GOLGA5: variants seen among roughly 807,000 people sequenced by gnomAD.
The protein encoded by GOLGA5 is golgin subfamily A member 5.
In GOLGA5, 50 loss-of-function variants were observed where a neutral mutation model predicts 93.5. The observed-to-expected ratio is 0.53, with a 90% confidence interval of 0.43 to 0.68. The LOEUF is 0.68. Ranked by LOEUF, GOLGA5 falls within the 30% of genes least tolerant of loss-of-function variation. The pLI is 0.00. For synonymous variants in GOLGA5, 312 were observed against 304.5 expected (o/e 1.02, Z -0.26); for missense variants, 760 against 856.4 (o/e 0.89, Z 1.40).
intron 10 of GOLGA5, among the ~76,000 whole-genome samples, chr14:92,835,123 G>A (rs1422560987): frequency 1.3e-5 from 2 of 152,100 alleles, no homozygotes; most frequent in Admixed American, 6.6e-5. Flanking sequence ...GCAGGCTTTG[G>A]GGTGCCCGTT....
rs1185271780 is a variant in GOLGA5 at position 92,821,126 on chromosome 14, A to G, written c.1620+1290A>G. Among the ~76,000 whole-genome samples, 3 of 152,300 alleles carry G rather than the reference A, an allele frequency of 2.0e-5. No homozygotes were observed. The East Asian group carries it at 5.8e-4, about 29-fold the overall frequency. On this transcript the variant is annotated intron_variant, in intron 8 of 12. Transcript: ENST00000163416. ...GAATGCTTTCTATTACCCTGTCTGTATTTTGTTATATCTCCTAGTATAGAA... is the reference window on the plus strand; with the variant it reads ...GAATGCTTTCTATTACCCTGTCTGTGTTTTGTTATATCTCCTAGTATAGAA...
chr14:92,795,033 G>A (rs372959572), intron 1 of GOLGA5, among the ~76,000 whole-genome samples: 2 of 152,212 alleles, frequency 1.3e-5, no homozygotes, highest in African/African-American at 2.4e-5. Context: ...CAGTTGCATG[G>A]TATGTTTTAA....
intron 9 of GOLGA5, among the ~76,000 whole-genome samples, chr14:92,829,778 G>A (rs1885490797): frequency 6.6e-6 from 1 of 152,210 alleles, no homozygotes; most frequent in African/African-American, 2.4e-5. Context: ...TTTGAAAGAT[G>A]TTCTGATGTG....
At position 92,809,360 on chromosome 14, in the gene GOLGA5, G is replaced by A. The variant is rs772961779; in HGVS notation, c.833G>A (p.Arg278Gln). The A allele has an allele frequency of 1.1e-5, 18 of 1,613,514 alleles. No homozygotes were observed. The highest frequency in any genetic ancestry group is 1.7e-5 in the Admixed American group (1 of 60,024). Residue 278 changes from arginine to glutamine, a missense_variant, in exon 4 of 13, where the codon CGA (arginine) becomes CAA (glutamine). Transcript: ENST00000163416. The part of the protein sequence containing the change: ...KWNADHSKSD[R>Q]MTRGLRAQVD... ...AATGCTGACCATTCAAAGAGTGATCGAATGACTCGAGGACTCCGAGCCCAA... is the reference window on the plus strand; with the variant it reads ...AATGCTGACCATTCAAAGAGTGATCAAATGACTCGAGGACTCCGAGCCCAA...
intron 7 of GOLGA5, among the ~76,000 whole-genome samples, chr14:92,817,500 T>C (rs1248752709): frequency 6.6e-6 from 1 of 152,214 alleles, no homozygotes; most frequent in Non-Finnish European, 1.5e-5. Flanking sequence ...TTATAATTTA[T>C]AGTTTATGTA....
At chr14:92,806,204 T>C (rs1184742532) in intron 2 of GOLGA5, among the ~76,000 whole-genome samples, 3 of 152,222 alleles carry the variant, frequency 2.0e-5, no homozygotes, top group African/African-American at 7.2e-5. Flanking sequence ...TTGTACTGTC[T>C]GTTGTCATTC....
At chr14:92,827,970 A>G (rs1199521515) in intron 9 of GOLGA5, among the ~76,000 whole-genome samples, 1 of 152,356 alleles carries the variant, frequency 6.6e-6, no homozygotes, top group East Asian at 1.9e-4. Context: ...TGAAGCTAGC[A>G]GAGGTTTGGT....
Position 92,797,998 on chromosome 14 carries a change from CTT to C in GOLGA5, c.544+18_544+19del. On this transcript the variant is annotated intron_variant, in intron 2 of 12. Coordinates refer to ENST00000163416, the MANE Select transcript of GOLGA5 (RefSeq NM_005113.4). ...AAACCCACGGTAGTTAATCAGTCCT[CTT>C]ATTTCTTTTAGAGTTAAGCAAATTG... 1 of 1,512,092 alleles carries C rather than the reference CTT, an allele frequency of 6.6e-7. No individual in the cohort carries two copies. Among genetic ancestry groups the C allele is most frequent in the Non-Finnish European group, 8.9e-7 (1 of 1,120,830 alleles). The allele number at this position is 1,512,092 out of a possible 1,614,324, so 93.7% of individuals were successfully genotyped here. A position where few individuals can be genotyped will look rare whatever the true frequency, so the allele number is the denominator to read the frequency against.
intron 3 of GOLGA5, among the ~76,000 whole-genome samples, chr14:92,808,742 A>G (rs138617052): frequency 2.1e-4 from 31 of 148,688 alleles, no homozygotes; most frequent in Admixed American, 1.0e-3. Context: ...AGTTTGATTC[A>G]GTATTTTTAA....
At chr14:92,835,847 ACTT>A (rs1885629626) in intron 11 of GOLGA5, among the ~76,000 whole-genome samples, 183 bp downstream of exon 11, 1 of 152,200 alleles carries the variant, frequency 6.6e-6, no homozygotes, top group Non-Finnish European at 1.5e-5. Flanking sequence ...TCATGAAGTG[ACTT>A]CTTTCATGAT....
intron 2 of GOLGA5, among the ~76,000 whole-genome samples, chr14:92,800,731 A>G (rs184065814): frequency 6.6e-6 from 1 of 152,214 alleles, no homozygotes; most frequent in Non-Finnish European, 1.5e-5. Context: ...GTTCTTAGCC[A>G]ATAAAAGTTG....
chr14:92,798,347 A>T (rs1884784217), intron 2 of GOLGA5, among the ~76,000 whole-genome samples: 1 of 152,270 alleles, frequency 6.6e-6, no homozygotes, highest in Non-Finnish European at 1.5e-5. Flanking sequence ...TACTAGGATT[A>T]TAAAAATGAC....
At chr14:92,813,542 T>C (rs1035514877) in intron 6 of GOLGA5, among the ~76,000 whole-genome samples, 1 of 152,114 alleles carries the variant, frequency 6.6e-6, no homozygotes, top group African/African-American at 2.4e-5. Flanking sequence ...AGAGAGAACA[T>C]GGCATATTTA....
At chr14:92,825,068 AT>A (rs913181516) in intron 9 of GOLGA5, among the ~76,000 whole-genome samples, 20 of 152,184 alleles carry the variant, frequency 1.3e-4, no homozygotes, top group Non-Finnish European at 2.2e-4. Context: ...TGTACAGAAA[AT>A]AATGACACTC....
chr14:92,838,127 C>A (rs548458269), intron 12 of GOLGA5, among the ~76,000 whole-genome samples: 2 of 152,238 alleles, frequency 1.3e-5, no homozygotes, highest in South Asian at 2.1e-4. Flanking sequence ...TCTAAAAGAG[C>A]CTCAAGATTG....
intron 6 of GOLGA5, 34 bp downstream of exon 6, chr14:92,811,788 A>ATG (rs1226668574): frequency 6.8e-7 from 1 of 1,468,684 alleles, no homozygotes; most frequent in Admixed American, 1.7e-5. Flanking sequence ...GGATGTTAAG[A>ATG]TGTGCAAGTT....
At chr14:92,810,111 T>C in intron 4 of GOLGA5, 143 bp from the exon 5 acceptor site, 1 of 581,588 alleles carries the variant, frequency 1.7e-6, no homozygotes, top group Non-Finnish European at 3.0e-6. Flanking sequence ...TATGTTCCAT[T>C]AGAAAGGAAA....
intron 12 of GOLGA5, among the ~76,000 whole-genome samples, chr14:92,838,517 G>A (rs542131596): frequency 1.9e-4 from 29 of 152,186 alleles, no homozygotes; most frequent in African/African-American, 5.3e-4. Context: ...ACAGGCGCAC[G>A]CCACTGCACC....
In GOLGA5 at chr14:92,835,563, T is replaced by G. The variant is rs764874643; in HGVS notation, c.1950T>G (p.Thr650=). The G allele has an allele frequency of 6.2e-7, 1 of 1,605,068 alleles. No homozygotes were observed. Among genetic ancestry groups the G allele is most frequent in the East Asian group, 2.2e-5 (1 of 44,796 alleles). The change falls in exon 11 of 13, where the codon ACT becomes ACG. Residue 650 remains threonine, a synonymous_variant. Transcript: ENST00000163416. ...NMSGIDNGEG[T]RLRNVPVLFN... ...TTTATTTTCTTATTTAAACAGGCACTCGTCTGCGAAATGTTCCTGTTCTTT... is the reference window on the plus strand; with the variant it reads ...TTTATTTTCTTATTTAAACAGGCACGCGTCTGCGAAATGTTCCTGTTCTTT...
Sources: allele counts gnomAD v4.1 joint callset (sites outside exome capture counted in the v4.1 genomes callset), GRCh38; gene constraint gnomAD v4.1.1; transcripts MANE v1.5; gene names NCBI Gene and HGNC (gene_info 2026-07-23, HGNC 2026-07-21).